The following SYNE2 variants were observed in gnomAD, a reference collection of about 807,000 sequenced individuals.
SYNE2 encodes the protein nesprin-2.
Under a neutral mutation model 856.3 loss-of-function variants are expected in SYNE2, and 431 were observed. The observed-to-expected ratio is 0.50, with a 90% confidence interval of 0.47 to 0.55. The LOEUF (loss-of-function observed/expected upper bound fraction) is 0.55. Among genes scored for constraint, SYNE2 ranks in the 20% least tolerant of loss-of-function variants. The pLI is 0.00. For missense variants in SYNE2, 8,129 were observed against 8,023.2 expected (o/e 1.01, Z -0.50); for synonymous variants, 2,923 against 2,872.3 (o/e 1.02, Z -0.56).
chr14:63,889,773 C>T (rs76801013), intron 1 of SYNE2, among the ~76,000 whole-genome samples: 2,262 of 152,020 alleles, frequency 0.015, 49 homozygotes, highest in African/African-American at 0.051. Context: ...CCACTGTGCC[C>T]GGCCCGTACT....
intron 45 of SYNE2, among the ~76,000 whole-genome samples, chr14:64,043,495 A>T: frequency 1.7e-5 from 1 of 59,348 alleles, no homozygotes; most frequent in East Asian, 4.8e-4. Flanking sequence ...CCAGAGGCCT[A>T]TGTAAAAAAA....
intron 1 of SYNE2, among the ~76,000 whole-genome samples, chr14:63,856,051 G>C (rs989535731): frequency 6.6e-6 from 1 of 152,128 alleles, no homozygotes; most frequent in Admixed American, 6.6e-5. Flanking sequence ...AAGAAGATCC[G>C]GCCGAGAGAT....
rs1555393577 is a variant in SYNE2 at position 63,948,742 on chromosome 14, A to ATATG, written c.409-1082_409-1081insATGT. Among the ~76,000 whole-genome samples the ATATG allele has an allele frequency of 1.6e-4, 15 of 95,572 alleles. No individual in the cohort carries two copies. In the Admixed American group the frequency reaches 1.6e-3, roughly 10 times the overall value. 62.7% of individuals were successfully genotyped at this position (95,572 alleles called of 152,430 possible). On this transcript the variant is annotated intron_variant, in intron 6 of 115. Coordinates refer to ENST00000555002, the MANE Select transcript of SYNE2 (RefSeq NM_182914.3). ...TGTGTGTATATATATGTGTATAGAT[A>ATATG]TGTGTGTGTATATATATGTATATAT...
Position 64,146,228 on chromosome 14 carries a change from G to C in SYNE2, c.15639+5G>C. ...AAGCTGCTCCTGGACTGTCAGGTGA[G>C]GAGGGGAACAGCATCCCACCCAACC... On this transcript the variant is annotated splice_donor_5th_base_variant and intron_variant, in intron 84 of 115. Coordinates refer to ENST00000555002, the MANE Select transcript of SYNE2 (RefSeq NM_182914.3). 1 of 1,604,028 alleles carries C rather than the reference G, an allele frequency of 6.2e-7. No individual in the cohort carries two copies. Among genetic ancestry groups the C allele is most frequent in the Non-Finnish European group, 8.5e-7 (1 of 1,175,694 alleles).
intron 1 of SYNE2, among the ~76,000 whole-genome samples, chr14:63,862,216 G>A (rs913041081): frequency 9.9e-5 from 15 of 152,096 alleles, no homozygotes; most frequent in African/African-American, 3.6e-4. Flanking sequence ...CACAAAAGTT[G>A]GATAAAACAA....
chr14:63,940,070 AT>A (rs10666086), intron 2 of SYNE2, among the ~76,000 whole-genome samples: 1,832 of 129,354 alleles, frequency 0.014, 38 homozygotes, highest in African/African-American at 0.049. Context: ...GTCTCAGTTC[AT>A]TTTTTTTTTT....
At chr14:64,074,566 G>GTGAC (rs2097441713) in intron 53 of SYNE2, among the ~76,000 whole-genome samples, 1 of 152,142 alleles carries the variant, frequency 6.6e-6, no homozygotes, top group South Asian at 2.1e-4. Context: ...CAGTCCAATA[G>GTGAC]TGACAGCCCA....
In SYNE2 at chr14:63,771,619, C is replaced by A. The variant is rs141579308; in HGVS notation, c.-305+9633C>A. Among the ~76,000 whole-genome samples the A allele has an allele frequency of 8.7e-4, 133 of 152,192 alleles. 1 individual carries two copies. The highest frequency in any genetic ancestry group is 3.4e-3 in the Middle Eastern group (1 of 294). On this transcript the variant is annotated intron_variant, in intron 1 of 23. Transcript: ENST00000674003. ...GTGTATTAAAAACACTAAACACAGG[C>A]CGGGCATGGTGGCTTACGCCTGTAA...
At chr14:63,804,500 T>C (rs147641955) in intron 1 of SYNE2, among the ~76,000 whole-genome samples, 3 of 152,266 alleles carry the variant, frequency 2.0e-5, no homozygotes, top group Non-Finnish European at 4.4e-5. Context: ...TTCCTTTCTT[T>C]TCCTTTTTTT....
intron 1 of SYNE2, among the ~76,000 whole-genome samples, chr14:63,831,911 T>A (rs1348368966): frequency 6.6e-6 from 1 of 152,140 alleles, no homozygotes; most frequent in East Asian, 1.9e-4. Flanking sequence ...CACATTATTT[T>A]AAAAACTAAC....
At chr14:63,991,361 G>A (rs1380653413) in intron 21 of SYNE2, among the ~76,000 whole-genome samples, 2 of 152,224 alleles carry the variant, frequency 1.3e-5, no homozygotes, top group Admixed American at 6.5e-5. Context: ...GAGTGCAGCC[G>A]ACTCTATGAC....
intron 94 of SYNE2, among the ~76,000 whole-genome samples, chr14:64,172,965 C>T (rs999027308): frequency 6.6e-6 from 1 of 151,732 alleles, no homozygotes; most frequent in African/African-American, 2.4e-5. Context: ...TTTGGAATTT[C>T]AGTGATCGCT....
At chr14:63,989,538 A>G (rs899444501) in intron 19 of SYNE2, among the ~76,000 whole-genome samples, 1 of 152,112 alleles carries the variant, frequency 6.6e-6, no homozygotes, top group Non-Finnish European at 1.5e-5. Flanking sequence ...GGGTTTCACC[A>G]TGTTGGCCAG....
intron 2 of SYNE2, among the ~76,000 whole-genome samples, chr14:63,913,409 A>G (rs2095496226): frequency 6.6e-6 from 1 of 151,532 alleles, no homozygotes; most frequent in Admixed American, 6.6e-5. Context: ...TCTGGGCAGT[A>G]CACATTTTAT....
chr14:63,839,249 T>C (rs946941330), intron 1 of SYNE2, among the ~76,000 whole-genome samples: 3 of 151,920 alleles, frequency 2.0e-5, no homozygotes, highest in African/African-American at 7.3e-5. Context: ...CAGGATGTTC[T>C]CCATCTCCTG....
chr14:64,066,081 G>C (rs576148985), intron 51 of SYNE2, among the ~76,000 whole-genome samples: 1 of 152,182 alleles, frequency 6.6e-6, no homozygotes, highest in Admixed American at 6.5e-5. Flanking sequence ...AAAAATATAT[G>C]AGGTTATGAT....
At chr14:63,926,197 G>A (rs2095662778) in intron 2 of SYNE2, among the ~76,000 whole-genome samples, 1 of 151,588 alleles carries the variant, frequency 6.6e-6, no homozygotes, top group African/African-American at 2.4e-5. Flanking sequence ...CCTTTTAACT[G>A]TCACCCCTCC....
intron 109 of SYNE2, 112 bp from the exon 110 acceptor site, chr14:64,219,096 G>GTTTTTTTTTTTT (rs1214967482): frequency 2.1e-5 from 16 of 758,708 alleles, no homozygotes; most frequent in East Asian, 1.1e-4. Context: ...ATCCCCTACA[G>GTTTTTTTTTTTT]TTTTTTTGTT....
chr14:64,033,396 T>G (rs964109388), intron 45 of SYNE2, among the ~76,000 whole-genome samples: 21 of 152,078 alleles, frequency 1.4e-4, no homozygotes, highest in African/African-American at 4.6e-4. Context: ...GAATTGTTTT[T>G]GGCCAGGTGC....
Sources: allele counts gnomAD v4.1 joint callset (sites outside exome capture counted in the v4.1 genomes callset), GRCh38; gene constraint gnomAD v4.1.1; transcripts MANE v1.5; gene names NCBI Gene and HGNC (gene_info 2026-07-23, HGNC 2026-07-21).